Variants in DNAH11 observed in about 807,000 individuals in gnomAD.
The protein encoded by DNAH11 is dynein axonemal heavy chain 11, also known as axonemal beta dynein heavy chain 11.
Under a neutral mutation model 526.0 loss-of-function variants are expected in DNAH11, and 442 were observed. The observed-to-expected ratio is 0.84, with a 90% CI of 0.78 to 0.91. The LOEUF (loss-of-function observed/expected upper bound fraction) is 0.91. Among genes scored for constraint, DNAH11 ranks in the 40% least tolerant of loss-of-function variants. The pLI, the probability that DNAH11 is intolerant of heterozygous loss-of-function variation, is 0.00. For synonymous variants in DNAH11, 2,461 were observed against 1,935.9 expected, an observed-to-expected ratio of 1.27 and a Z score of -7.12; for missense variants, 6,989 against 5,448.7, an observed-to-expected ratio of 1.28 and a Z score of -8.90.
chr7:21,739,296 T>C (rs545269045), intron 47 of DNAH11, among the ~76,000 whole-genome samples: 5 of 152,320 alleles, frequency 3.3e-5, no homozygotes, highest in South Asian at 2.1e-4. Context: ...GGGTACAAGA[T>C]AGTTTCTACA....
chr7:21,668,934 C>T (rs1023429187), intron 30 of DNAH11, among the ~76,000 whole-genome samples: 5 of 152,234 alleles, frequency 3.3e-5, no homozygotes, highest in African/African-American at 1.2e-4. Context: ...GTTAATACTA[C>T]CATGGACAAT....
At chr7:21,561,474 G>C (rs1474665176) in intron 5 of DNAH11, 4 of 233,860 alleles carry the variant, frequency 1.7e-5, no homozygotes, top group Non-Finnish European at 3.3e-5. Context: ...TCTGGATAGA[G>C]GTTTTCCAAT....
chr7:21,583,818 C>A (rs1343985410), intron 9 of DNAH11, among the ~76,000 whole-genome samples: 2 of 152,048 alleles, frequency 1.3e-5, no homozygotes, highest in African/African-American at 4.8e-5. Context: ...GGCCAAGAAA[C>A]ATGAAAAAAA....
At chr7:21,717,746 A>G (rs772958655) in intron 42 of DNAH11, 29 bp from the exon 43 acceptor site, 4 of 1,612,766 alleles carry the variant, frequency 2.5e-6, no homozygotes, top group Admixed American at 1.7e-5. Context: ...CCTAGTGTTC[A>G]ATAAAAGCTT....
At chr7:21,829,304 A>G (rs1180788646) in intron 65 of DNAH11, among the ~76,000 whole-genome samples, 2 of 151,492 alleles carry the variant, frequency 1.3e-5, no homozygotes, top group Non-Finnish European at 1.5e-5. Context: ...TTACCTTGAC[A>G]AAATGCCTCT....
chr7:21,613,245 A>G (rs1231489578), intron 20 of DNAH11, among the ~76,000 whole-genome samples: 1 of 152,224 alleles, frequency 6.6e-6, no homozygotes, highest in Non-Finnish European at 1.5e-5. Flanking sequence ...CATTTCACAA[A>G]CATAAATTTT....
intron 10 of DNAH11, 71 bp from the exon 11 acceptor site, chr7:21,588,441 G>A: frequency 6.4e-7 from 1 of 1,561,466 alleles, no homozygotes; most frequent in East Asian, 2.3e-5. Context: ...ATGAAAAATT[G>A]CTTACAGGGT....
intron 20 of DNAH11, among the ~76,000 whole-genome samples, chr7:21,612,545 G>T (rs1293304192): frequency 8.6e-6 from 1 of 115,740 alleles, no homozygotes; most frequent in Non-Finnish European, 1.6e-5. Context: ...ACAGAGTGAG[G>T]CTCCGTCTCA....
chr7:21,739,494 A>G lies in DNAH11; in HGVS notation c.7812-77A>G, dbSNP rs144620882. On this transcript the variant is annotated intron_variant, in intron 47 of 81. Coordinates refer to ENST00000409508, the MANE Select transcript of DNAH11 (RefSeq NM_001277115.2). ...GATAAGGAGGTAATCTGCGATGAAG[A>G]CCTTTATGAACTGTTAGATTTTGCT... 7,088 of 1,030,008 alleles carry G rather than the reference A, an allele frequency of 6.9e-3. 51 individuals are homozygous for G. Among genetic ancestry groups the G allele is most frequent in the Non-Finnish European group, 9.3e-3 (6,349 of 681,242 alleles). The allele number at this position is 1,030,008 out of a possible 1,614,324, so 63.8% of individuals were successfully genotyped here. A position where few individuals can be genotyped will look rare whatever the true frequency, so the allele number is the denominator to read the frequency against.
rs146442305 is a variant in DNAH11, at chr7:21,565,673, A to G, written c.1194+1276A>G. 5.3e-5 allele frequency among the ~76,000 whole-genome samples: 8 copies of G among 152,306 alleles called. No individual in the cohort carries two copies. In the East Asian group the frequency reaches 5.8e-4, roughly 11 times the overall value. Reference sequence around the variant, plus strand: ...AATTTTCTCACTTAAGGGAAGTTCAATTACTCCTCAGTTCCCACATCTATC... The same window carrying G: ...AATTTTCTCACTTAAGGGAAGTTCAGTTACTCCTCAGTTCCCACATCTATC... On this transcript the variant is annotated intron_variant, in intron 6 of 81. Coordinates refer to ENST00000409508, the MANE Select transcript of DNAH11 (RefSeq NM_001277115.2).
intron 1 of DNAH11, among the ~76,000 whole-genome samples, chr7:21,543,979 G>T (rs6970985): frequency 0.44 from 67,377 of 151,774 alleles, 15,305 homozygotes; most frequent in Middle Eastern, 0.52. Flanking sequence ...TTAAAAAATG[G>T]GGTGTTTGGC....
intron 28 of DNAH11, among the ~76,000 whole-genome samples, chr7:21,643,992 T>C (rs1341171651): frequency 6.6e-6 from 1 of 152,176 alleles, no homozygotes; most frequent in African/African-American, 2.4e-5. Flanking sequence ...AATGACAAGA[T>C]ACATATACTC....
At chr7:21,888,950 T>C (rs1198637094) in intron 76 of DNAH11, among the ~76,000 whole-genome samples, 4 of 151,908 alleles carry the variant, frequency 2.6e-5, no homozygotes, top group Non-Finnish European at 4.4e-5. Flanking sequence ...CAAAGGTCTT[T>C]AGTATATTCT....
chr7:21,544,303 G>A (rs10229224), intron 1 of DNAH11, among the ~76,000 whole-genome samples: 67,421 of 151,994 alleles, frequency 0.44, 15,289 homozygotes, highest in Middle Eastern at 0.53. Flanking sequence ...AACATGTTAT[G>A]TCGTTTTATC....
intron 53 of DNAH11, 69 bp from the exon 54 acceptor site, chr7:21,750,153 G>T (rs207467721): frequency 2.7e-6 from 4 of 1,479,466 alleles, no homozygotes; most frequent in South Asian, 1.4e-5. Context: ...CATTTCAAAC[G>T]TTTAAAAGTT....
intron 39 of DNAH11, 87 bp downstream of exon 39, chr7:21,705,624 G>T: frequency 7.7e-7 from 1 of 1,304,700 alleles, no homozygotes; most frequent in Non-Finnish European, 1.1e-6. Flanking sequence ...CTACTCAAAA[G>T]AATTCCCCTC....
In DNAH11 at chr7:21,892,559, A is replaced by C; in HGVS notation, c.12642A>C (p.Glu4214Asp). ...TGTATGGCCTCCACCCAAATGCTGA[A>C]ATAGAATTCCTGACAGTGACATCCA... ...PALYGLHPNA[E>D]IEFLTVTSNT... is the part of the protein sequence containing the mutation. Residue 4214 changes from glutamate to aspartate, a missense_variant, in exon 77 of 82, where the codon GAA becomes GAC. Physicochemically the swap from Glu to Asp is conservative, Grantham distance 45 (BLOSUM62 2). Transcript: ENST00000409508. 1 of 1,613,992 alleles carries C rather than the reference A, an allele frequency of 6.2e-7. No individual in the cohort carries two copies. Among genetic ancestry groups the C allele is most frequent in the Non-Finnish European group, 8.5e-7 (1 of 1,179,894 alleles).
chr7:21,589,296 A>G lies in DNAH11; in HGVS notation c.2062A>G (p.Asn688Asp). 1 of 1,610,414 alleles carries G rather than the reference A, an allele frequency of 6.2e-7. No individual in the cohort carries two copies. Among genetic ancestry groups the G allele is most frequent in the Non-Finnish European group, 8.5e-7 (1 of 1,178,722 alleles). The change falls in exon 12 of 82, where the codon AAT (asparagine) becomes GAT (aspartate). Residue 688 changes from asparagine (N) to aspartate (D), a missense_variant. By Grantham distance (23) the Asn-to-Asp change is conservative (BLOSUM62 1). Transcript: ENST00000409508. ...TGATCAATTTGAAAGTCGTATCTATAATGAATGGAAAAGTAATGTGGATGA... is the reference window on the plus strand; with the variant it reads ...TGATCAATTTGAAAGTCGTATCTATGATGAATGGAAAAGTAATGTGGATGA... ...LLDQFESRIY[N>D]EWKSNVDEIC...
At chr7:21,852,405 T>TGA (rs72250572) in intron 66 of DNAH11, 62 bp from the exon 67 acceptor site, 1 of 1,242,634 alleles carries the variant, frequency 8.0e-7, no homozygotes, top group South Asian at 1.6e-5. Context: ...AGACTTCCTC[T>TGA]AAAAAAAAAA....
Sources: allele counts gnomAD v4.1 joint callset (sites outside exome capture counted in the v4.1 genomes callset), GRCh38; gene constraint gnomAD v4.1.1; transcripts MANE v1.5; gene names NCBI Gene and HGNC (gene_info 2026-07-23, HGNC 2026-07-21).